MYO1D: variants seen among roughly 807,000 people sequenced by gnomAD.
The protein encoded by MYO1D is myosin ID.
In MYO1D, 83 loss-of-function variants were observed where a neutral mutation model predicts 122.0. The observed-to-expected ratio is 0.68, with a 90% CI of 0.57 to 0.82. The LOEUF (loss-of-function observed/expected upper bound fraction) is 0.82, where lower values mean the gene tolerates loss of function less well. Ranked by LOEUF, MYO1D falls within the 40% of genes least tolerant of loss-of-function variation. The probability of loss-of-function intolerance (pLI) is 0.00; values close to 1 mark genes in which losing one functional copy is unlikely to be tolerated. For synonymous variants in MYO1D, 464 were observed against 446.9 expected (o/e 1.04, Z -0.48); for missense variants, 1,157 against 1,269.5 (o/e 0.91, Z 1.35).
chr17:32,563,365 G>A (rs1265394692), intron 21 of MYO1D, among the ~76,000 whole-genome samples: 1 of 151,420 alleles, frequency 6.6e-6, no homozygotes, highest in East Asian at 1.9e-4. Flanking sequence ...ACGCACCACT[G>A]TGCCCAGCTA....
chr17:32,665,068 C>A (rs1314834439), intron 16 of MYO1D, among the ~76,000 whole-genome samples: 2 of 152,166 alleles, frequency 1.3e-5, no homozygotes, highest in African/African-American at 2.4e-5. Context: ...TAGTTGCTCC[C>A]TCTGCCTGGA....
At chr17:32,504,140 C>T (rs796829996) in intron 21 of MYO1D, among the ~76,000 whole-genome samples, 21 of 152,324 alleles carry the variant, frequency 1.4e-4, no homozygotes, top group African/African-American at 4.1e-4. Context: ...TGGGTGTTGT[C>T]GGCAGCCAGC....
At chr17:32,773,530 A>ACCCCCCCCCCCCCCCCCCCCCCCCTC (rs1567635400) in intron 4 of MYO1D, among the ~76,000 whole-genome samples, 1 of 94,368 alleles carries the variant, frequency 1.1e-5, no homozygotes, top group Non-Finnish European at 2.2e-5. Flanking sequence ...CCCACTCCCT[A>ACCCCCCCCCCCCCCCCCCCCCCCCTC]CCCCCACCCC....
chr17:32,869,555 GA>G (rs940020919), intron 1 of MYO1D, among the ~76,000 whole-genome samples: 18 of 152,180 alleles, frequency 1.2e-4, no homozygotes, highest in African/African-American at 3.4e-4. Flanking sequence ...GGGTACTAGA[GA>G]ATTATCATTA....
At chr17:32,721,915 A>G (rs1459326642) in intron 14 of MYO1D, among the ~76,000 whole-genome samples, 2 of 152,232 alleles carry the variant, frequency 1.3e-5, no homozygotes, top group African/African-American at 4.8e-5. Context: ...GGATGAATCA[A>G]TGAGGTCAAA....
At position 32,721,088 on chromosome 17, in the gene MYO1D, C is replaced by T; in HGVS notation, c.1848G>A (p.Leu616=). ...CTGCCCGACGCACTCTCACATTTTC[C>T]AGTAGTCCAAGATATTCTACTTGGT... ...CRHQVEYLGL[L]ENVRVRRAGF... is the part of the protein sequence containing the mutation. The change falls in exon 15 of 22, where the codon CTG becomes CTA. Residue 616 remains leucine (L), a synonymous_variant. Coordinates refer to ENST00000318217, the MANE Select transcript of MYO1D (RefSeq NM_015194.3). 1 of 1,614,122 alleles carries T rather than the reference C, an allele frequency of 6.2e-7. No homozygotes were observed.
At chr17:32,749,895 T>C (rs1355310426) in intron 11 of MYO1D, among the ~76,000 whole-genome samples, 1 of 152,164 alleles carries the variant, frequency 6.6e-6, no homozygotes, top group Non-Finnish European at 1.5e-5. Flanking sequence ...TCTTATTCAG[T>C]CTTCAATGCT....
rs137947201 is a variant in MYO1D at position 32,639,748 on chromosome 17, G to A, written c.2596-913C>T. Among the ~76,000 whole-genome samples, 8 of 152,130 alleles carry A rather than the reference G, an allele frequency of 5.3e-5. No individual in the cohort carries two copies. The East Asian group carries it at 1.4e-3, about 26-fold the overall frequency. ...GCACTAAACATTTTTGAACCACTACGATATCATGTTTTTCAGTAACTAGAA... is the reference window on the plus strand; with the variant it reads ...GCACTAAACATTTTTGAACCACTACAATATCATGTTTTTCAGTAACTAGAA... On this transcript the variant is annotated intron_variant, in intron 19 of 21. Transcript: ENST00000318217.
intron 16 of MYO1D, among the ~76,000 whole-genome samples, chr17:32,710,316 A>G (rs561163202): frequency 6.6e-6 from 1 of 152,320 alleles, no homozygotes; most frequent in Non-Finnish European, 1.5e-5. Flanking sequence ...AATATATAAT[A>G]AAAGTGGCAC....
At chr17:32,615,130 T>C (rs1168581327) in intron 20 of MYO1D, among the ~76,000 whole-genome samples, 1 of 152,102 alleles carries the variant, frequency 6.6e-6, no homozygotes. Flanking sequence ...GCAATAGTAA[T>C]TGGAATAAAA....
chr17:32,545,593 A>G (rs899492935), intron 21 of MYO1D, among the ~76,000 whole-genome samples: 2 of 152,198 alleles, frequency 1.3e-5, no homozygotes, highest in African/African-American at 2.4e-5. Context: ...TAGTTAATTG[A>G]TCAGCCTAAG....
Position 32,738,436 on chromosome 17 carries a change from T to C in MYO1D, c.1614-51A>G, listed in dbSNP as rs754159089. ...AAATGTCACATTCAAATAAGCTGGATAAAAACTGATAAGCAATTCTGCTGA... is the reference window on the plus strand; with the variant it reads ...AAATGTCACATTCAAATAAGCTGGACAAAAACTGATAAGCAATTCTGCTGA... On this transcript the variant is annotated intron_variant, in intron 13 of 21. Coordinates refer to ENST00000318217, the MANE Select transcript of MYO1D (RefSeq NM_015194.3). 15 of 1,496,774 alleles carry C rather than the reference T, an allele frequency of 1.0e-5. No homozygotes were observed. The Admixed American group carries it at 3.1e-4, about 31-fold the overall frequency. The allele number at this position is 1,496,774 out of a possible 1,614,324, so 92.7% of individuals were successfully genotyped here. A position where few individuals can be genotyped will look rare whatever the true frequency, so the allele number is the denominator to read the frequency against.
chr17:32,627,176 G>A (rs1351656185), intron 20 of MYO1D, among the ~76,000 whole-genome samples: 1 of 152,110 alleles, frequency 6.6e-6, no homozygotes, highest in African/African-American at 2.4e-5. Context: ...AATTAATAAA[G>A]CTGAGTGCCA....
At chr17:32,637,156 T>C (rs146450138) in intron 20 of MYO1D, among the ~76,000 whole-genome samples, 432 of 152,344 alleles carry the variant, frequency 2.8e-3, no homozygotes, top group Middle Eastern at 6.8e-3. Context: ...ATTTATATCA[T>C]GTGCCTGATG....
In MYO1D at chr17:32,745,505, AC is replaced by A. The variant is rs1319186456; in HGVS notation, c.1539-221del. On this transcript the variant is annotated intron_variant, in intron 12 of 21. Transcript: ENST00000318217. ...ATTATGATTAAGATGATAATTCCCT[AC>A]TGGTTTATTGCTTACCTCAAGAAGA... The A allele has an allele frequency of 5.6e-5, 23 of 407,872 alleles. No homozygotes were observed. In the East Asian group the frequency reaches 1.1e-3, roughly 19 times the overall value. 25.3% of individuals were successfully genotyped at this position (407,872 alleles called of 1,614,324 possible).
chr17:32,832,200 G>C (rs1935918819), intron 1 of MYO1D, among the ~76,000 whole-genome samples: 1 of 151,478 alleles, frequency 6.6e-6, no homozygotes. Context: ...CAGCCTCCCT[G>C]GGCTCAGGTA....
rs2088513724 is a variant in MYO1D at position 32,658,920 on chromosome 17, A to G, written c.2345+195T>C. Reference sequence around the variant, plus strand: ...CTGTCAGCTGCTACAGGAAAAACAAATTGGCAGTTCCTTTATTTTGAGGGG... The same window carrying G: ...CTGTCAGCTGCTACAGGAAAAACAAGTTGGCAGTTCCTTTATTTTGAGGGG... On this transcript the variant is annotated intron_variant, in intron 17 of 21. Transcript: ENST00000318217. The G allele has an allele frequency of 1.2e-5, 7 of 599,358 alleles. No individual in the cohort carries two copies. The South Asian group carries it at 1.3e-4, about 11-fold the overall frequency. The allele number at this position is 599,358 out of a possible 1,614,324, so 37.1% of individuals were successfully genotyped here.
In MYO1D at chr17:32,754,412, T is replaced by C. The variant is rs1480417774; in HGVS notation, c.1467+1080A>G. ...TAACATGAAAGAGCAGACTGTAGTA[T>C]CTGAAAGCCAATTTGTAGTAGGGTT... is the stretch of plus-strand genomic sequence containing the variant. On this transcript the variant is annotated intron_variant, in intron 11 of 21. Transcript: ENST00000318217. Among the ~76,000 whole-genome samples, 3 of 152,212 alleles carry C rather than the reference T, an allele frequency of 2.0e-5. No homozygotes were observed. The East Asian group carries it at 5.8e-4, about 29-fold the overall frequency.
At chr17:32,804,457 T>C (rs2090491514) in intron 1 of MYO1D, among the ~76,000 whole-genome samples, 1 of 152,206 alleles carries the variant, frequency 6.6e-6, no homozygotes, top group African/African-American at 2.4e-5. Context: ...TTTTAAATAT[T>C]GTCCTTTAAG....
Sources: allele counts gnomAD v4.1 joint callset (sites outside exome capture counted in the v4.1 genomes callset), GRCh38; gene constraint gnomAD v4.1.1; transcripts MANE v1.5; gene names NCBI Gene and HGNC (gene_info 2026-07-23, HGNC 2026-07-21).